Variants in INTS10 observed in about 807,000 individuals in gnomAD.
INTS10 encodes integrator complex subunit 10.
A neutral mutation model predicts 94.4 loss-of-function variants in INTS10; 44 were observed. The ratio of observed to expected loss-of-function variants is 0.47; its 90% CI spans 0.37 to 0.60. INTS10 has a LOEUF of 0.60. Ranked by LOEUF, INTS10 falls within the 20% of genes least tolerant of loss-of-function variation. The pLI is 0.00. For synonymous variants in INTS10, 341 were observed against 320.7 expected (o/e 1.06, Z -0.68); for missense variants, 797 against 868.7 (o/e 0.92, Z 1.04).
chr8:19,850,523 G>T (rs945968229), intron 16 of INTS10, among the ~76,000 whole-genome samples: 8 of 151,872 alleles, frequency 5.3e-5, no homozygotes, highest in African/African-American at 1.9e-4. Flanking sequence ...TTACAATTTG[G>T]TGACTCCTGT....
At chr8:19,848,456 T>G (rs2068755306) in intron 16 of INTS10, among the ~76,000 whole-genome samples, 1 of 152,236 alleles carries the variant, frequency 6.6e-6, no homozygotes, top group East Asian at 1.9e-4. Flanking sequence ...TGCAGTATCT[T>G]AGTTGTATTA....
chr8:19,830,411 A>G lies in INTS10; in HGVS notation c.1146A>G (p.Ser382=). The G allele has an allele frequency of 6.2e-7, 1 of 1,612,968 alleles. No individual in the cohort carries two copies. Among genetic ancestry groups the G allele is most frequent in the Non-Finnish European group, 8.5e-7 (1 of 1,179,576 alleles). Reference sequence around the variant, plus strand: ...TCTCCACATTCTTTAAGCAGAGTTCAGACGATGAAGACTGTTCGGCGAAAG... The same window carrying G: ...TCTCCACATTCTTTAAGCAGAGTTCGGACGATGAAGACTGTTCGGCGAAAG... ...LAEGREKTMS[S]DDEDCSAKGR... Residue 382 remains serine, a synonymous_variant, in exon 10 of 17, where the codon TCA becomes TCG. Coordinates refer to ENST00000397977, the MANE Select transcript of INTS10 (RefSeq NM_018142.4).
chr8:19,836,611 A>T (rs2067683720), intron 12 of INTS10, among the ~76,000 whole-genome samples: 1 of 152,092 alleles, frequency 6.6e-6, no homozygotes, highest in Admixed American at 6.5e-5. Flanking sequence ...TTTTCTTGCT[A>T]GTTTCTCCTG....
At chr8:19,832,293 C>T (rs368188896) in intron 11 of INTS10, among the ~76,000 whole-genome samples, 183 bp downstream of exon 11, 419 of 152,268 alleles carry the variant, frequency 2.8e-3, no homozygotes, top group Middle Eastern at 0.017. Context: ...AACTATCGGC[C>T]GGGTGTCGTG....
Position 19,833,274 on chromosome 8 carries a change from G to T in INTS10, c.1483G>T (p.Ala495Ser). ...TGQGTLEHQR[A>S]LIQLATCHFA... ...GCAGGGGACCCTGGAGCATCAGAGG[G>T]CGCTCATCCAGCTGGCGACGTGCCA... Residue 495 changes from alanine to serine, a missense_variant, in exon 12 of 17, where the codon GCG (alanine) becomes TCG (serine). Physicochemically the swap from Ala to Ser is moderately conservative, Grantham distance 99. Transcript: ENST00000397977. 1 of 1,613,122 alleles carries T rather than the reference G, an allele frequency of 6.2e-7. No homozygotes were observed. The highest frequency in any genetic ancestry group is 8.5e-7 in the Non-Finnish European group (1 of 1,179,530).
At chr8:19,844,326 G>A (rs368820204) in intron 15 of INTS10, 88 bp downstream of exon 15, 7 of 996,358 alleles carry the variant, frequency 7.0e-6, no homozygotes, top group Non-Finnish European at 1.0e-5. Flanking sequence ...ATTCTGGATA[G>A]AAATAATGAT....
chr8:19,845,950 GA>G, intron 16 of INTS10, 153 bp downstream of exon 16: 1 of 505,200 alleles, frequency 2.0e-6, no homozygotes, highest in East Asian at 2.9e-5. Flanking sequence ...GGTACCTTTT[GA>G]AAAACTTGCA....
Position 19,826,504 on chromosome 8 carries a change from G to C in INTS10, c.1085G>C (p.Arg362Pro), listed in dbSNP as rs368911884. Residue 362 changes from arginine to proline, a missense_variant, in exon 9 of 17, where the codon CGT (arginine) becomes CCT (proline). Coordinates refer to ENST00000397977, the MANE Select transcript of INTS10 (RefSeq NM_018142.4). ...GTGTATGGTGATGTAGAAATTGATCGTAATAAACACATCCATAAAAAGAGG... is the reference window on the plus strand; with the variant it reads ...GTGTATGGTGATGTAGAAATTGATCCTAATAAACACATCCATAAAAAGAGG... ...SNVYGDVEIDRNKHIHKKRKL... is the reference protein window; with the variant it reads ...SNVYGDVEIDPNKHIHKKRKL... 1 of 1,612,696 alleles carries C rather than the reference G, an allele frequency of 6.2e-7. No individual in the cohort carries two copies.
chr8:19,850,381 A>G (rs1452197889), intron 16 of INTS10, among the ~76,000 whole-genome samples: 2 of 152,166 alleles, frequency 1.3e-5, no homozygotes. Flanking sequence ...GTCACAAAGA[A>G]GTGTGCATTT....
In INTS10 at chr8:19,819,621, T is replaced by C. The variant is rs201152934; in HGVS notation, c.246T>C (p.Ile82=). 8 of 1,613,660 alleles carry C rather than the reference T, an allele frequency of 5.0e-6. No individual in the cohort carries two copies. Among genetic ancestry groups the C allele is most frequent in the Non-Finnish European group, 5.1e-6 (6 of 1,179,772 alleles). The part of the protein sequence containing the change: ...DQPVVWREIS[I]ITSALRNDSQ... ...CGGTGGTGTGGAGAGAAATCAGCAT[T>C]ATTACATCAGCATTAAGGAACGATT... The change falls in exon 3 of 17, where the codon ATT becomes ATC. Residue 82 remains isoleucine (I), a synonymous_variant. Transcript: ENST00000397977.
Position 19,849,040 on chromosome 8 carries a change from A to T in INTS10, c.1977-2609A>T. The T allele has an allele frequency of 2.6e-6, 1 of 377,956 alleles. No homozygotes were observed. Among genetic ancestry groups the T allele is most frequent in the Non-Finnish European group, 5.3e-6 (1 of 189,360 alleles). 23.4% of individuals were successfully genotyped at this position (377,956 alleles called of 1,614,324 possible). A position where few individuals can be genotyped will look rare whatever the true frequency, so the allele number is the denominator to read the frequency against. On this transcript the variant is annotated intron_variant, in intron 16 of 16. Transcript: ENST00000397977. The surrounding 1 kb of genome is among the most constrained non-coding windows in gnomAD (Gnocchi z 4.6). ...CCCAGCCACGGCCAGGGGCTTGTTG[A>T]GGTTAATGAGTTTCTGTTTAGTCTG...
rs1355717812 is a variant in INTS10, at chr8:19,844,057, A to G, written c.1720-19A>G. ...TGACTTCCTTTTCCTTCTGTCTTGT[A>G]TAAATCTTTGTCTTGCAGCTTAGAG... On this transcript the variant is annotated intron_variant, in intron 14 of 16. Coordinates refer to ENST00000397977, the MANE Select transcript of INTS10 (RefSeq NM_018142.4). The G allele has an allele frequency of 2.5e-6, 4 of 1,571,036 alleles. No individual in the cohort carries two copies. The highest frequency in any genetic ancestry group is 3.5e-6 in the Non-Finnish European group (4 of 1,158,810).
intron 11 of INTS10, 117 bp from the exon 12 acceptor site, chr8:19,833,052 G>T: frequency 1.3e-6 from 1 of 784,110 alleles, no homozygotes; most frequent in Non-Finnish European, 1.9e-6. Flanking sequence ...ATCAAACCAA[G>T]CTACCGTCTT....
chr8:19,822,804 G>A (rs536599446), intron 5 of INTS10, among the ~76,000 whole-genome samples: 3 of 152,060 alleles, frequency 2.0e-5, no homozygotes, highest in Non-Finnish European at 4.4e-5. Flanking sequence ...ACAAAAATTA[G>A]CTGGGCATGG....
At chr8:19,842,959 A>G (rs775916348) in intron 14 of INTS10, 32 bp downstream of exon 14, 10 of 1,358,320 alleles carry the variant, frequency 7.4e-6, no homozygotes, top group Non-Finnish European at 1.1e-5. Context: ...TTGAAAAAAA[A>G]TGTAATTTCA....
intron 2 of INTS10, chr8:19,818,824 G>A (rs546183603): frequency 1.3e-5 from 2 of 155,560 alleles, no homozygotes; most frequent in South Asian, 1.9e-4. Flanking sequence ...ATATCAGTAT[G>A]TAGAGATCCA....
intron 10 of INTS10, among the ~76,000 whole-genome samples, chr8:19,831,063 G>C (rs1205086932): frequency 6.6e-6 from 1 of 152,170 alleles, no homozygotes; most frequent in African/African-American, 2.4e-5. Context: ...AGTATACTGG[G>C]TATTTTGACA....
Position 19,819,636 on chromosome 8 carries a change from A to T in INTS10, c.261A>T (p.Leu87Phe). 1 of 1,613,654 alleles carries T rather than the reference A, an allele frequency of 6.2e-7. No homozygotes were observed. ...WREISIITSA[L>F]RNDSQDKQTQ... is the part of the protein sequence containing the mutation. Reference sequence around the variant, plus strand: ...AAATCAGCATTATTACATCAGCATTAAGGAACGATTCACAGGACAAACAAA... The same window carrying T: ...AAATCAGCATTATTACATCAGCATTTAGGAACGATTCACAGGACAAACAAA... The change falls in exon 3 of 17, where the codon TTA becomes TTT. Residue 87 changes from leucine (L) to phenylalanine (F), a missense_variant. Transcript: ENST00000397977.
intron 4 of INTS10, 157 bp from the exon 5 acceptor site, chr8:19,822,282 T>G: frequency 1.9e-6 from 1 of 520,042 alleles, no homozygotes; most frequent in East Asian, 3.1e-5. Flanking sequence ...GGCTGGTGCA[T>G]TCTTTTATTT....
Sources: gnomAD v4.1 joint callset for allele counts (sites outside exome capture counted in the v4.1 genomes callset) on GRCh38, gnomAD v4.1.1 for gene constraint, Gnocchi (gnomAD v3.1) non-coding constraint, MANE v1.5 for transcripts, NCBI Gene and HGNC (gene_info 2026-07-23, HGNC 2026-07-21) for gene names.